Variants in DNER observed in about 807,000 individuals in gnomAD.
DNER encodes the protein delta/notch like EGF repeat containing, also known as delta and Notch-like epidermal growth factor-related receptor.
DNER carries 33 observed loss-of-function variants against 78.2 expected under a neutral mutation model. The observed-to-expected ratio is 0.42, with a 90% confidence interval of 0.32 to 0.56. DNER has a LOEUF of 0.56. DNER is among the 20% of genes least tolerant of loss of function. DNER has a pLI of 0.11. For synonymous variants in DNER, 417 were observed against 384.8 expected (o/e 1.08, Z -0.98); for missense variants, 918 against 975.3 (o/e 0.94, Z 0.78).
At position 229,413,321 on chromosome 2, in the gene DNER, C is replaced by CTTTTTTTTTTTTTTTT. The variant is rs398061160; in HGVS notation, c.1609+4771_1609+4786dup. Among the ~76,000 whole-genome samples, 116 of 67,776 alleles carry CTTTTTTTTTTTTTTTT rather than the reference C, an allele frequency of 1.7e-3. 9 individuals are homozygous for CTTTTTTTTTTTTTTTT. The highest frequency in any genetic ancestry group is 5.4e-3 in the African/African-American group (109 of 20,340). The allele number at this position is 67,776 out of a possible 152,430, so 44.5% of individuals were successfully genotyped here. On this transcript the variant is annotated intron_variant, in intron 9 of 12. Coordinates refer to ENST00000341772, the MANE Select transcript of DNER (RefSeq NM_139072.4). ...TGCTTTTCTTTTTCTTTTTCTTCTT[C>CTTTTTTTTTTTTTTTT]TTTTTTTTTTTTTTTTTTTTTGACG...
At chr2:229,480,291 G>A (rs986584520) in intron 6 of DNER, among the ~76,000 whole-genome samples, 33 of 152,160 alleles carry the variant, frequency 2.2e-4, no homozygotes, top group African/African-American at 7.2e-4. Context: ...CCCCATGAGG[G>A]TATTTTGAAT....
chr2:229,641,867 G>T (rs1290600967), intron 1 of DNER, among the ~76,000 whole-genome samples: 8 of 152,034 alleles, frequency 5.3e-5, no homozygotes, highest in Non-Finnish European at 8.8e-5. Flanking sequence ...AGCTCCCTCT[G>T]GTGGAATACT....
chr2:229,386,056 C>G (rs573623236), intron 11 of DNER, among the ~76,000 whole-genome samples: 166 of 152,270 alleles, frequency 1.1e-3, no homozygotes, highest in African/African-American at 3.9e-3. Context: ...CATCATGTTA[C>G]CTGATTTCAA....
At chr2:229,380,270 G>C (rs1428859239) in intron 11 of DNER, among the ~76,000 whole-genome samples, 1 of 152,178 alleles carries the variant, frequency 6.6e-6, no homozygotes, top group Non-Finnish European at 1.5e-5. Flanking sequence ...AACCACCAGT[G>C]AGGGCCTGGT....
intron 10 of DNER, among the ~76,000 whole-genome samples, chr2:229,403,792 G>C (rs1225984348): frequency 6.6e-6 from 1 of 152,026 alleles, no homozygotes; most frequent in African/African-American, 2.4e-5. Context: ...AGAGGCAAGA[G>C]ATGGAGGAAA....
chr2:229,516,951 C>CAAA (rs199879957), intron 5 of DNER, among the ~76,000 whole-genome samples: 5 of 147,024 alleles, frequency 3.4e-5, no homozygotes, highest in Non-Finnish European at 7.5e-5. Flanking sequence ...ACTAAAAATA[C>CAAA]AAAAAAAAAA....
intron 1 of DNER, among the ~76,000 whole-genome samples, chr2:229,634,331 G>C (rs766922362): frequency 1.3e-5 from 2 of 151,448 alleles, no homozygotes; most frequent in Admixed American, 1.3e-4. Context: ...ATCTCATTCT[G>C]TGAGGAGGAA....
At chr2:229,564,394 C>T (rs1212724439) in intron 4 of DNER, among the ~76,000 whole-genome samples, 1 of 137,054 alleles carries the variant, frequency 7.3e-6, no homozygotes, top group African/African-American at 2.7e-5. Flanking sequence ...CACCCCATCA[C>T]CATCATCATC....
At chr2:229,664,959 A>G (rs915183889) in intron 1 of DNER, among the ~76,000 whole-genome samples, 3 of 152,232 alleles carry the variant, frequency 2.0e-5, no homozygotes, top group Non-Finnish European at 4.4e-5. Context: ...ATTCTTTATC[A>G]TGAGAAGTAG....
At chr2:229,509,667 A>C (rs1238350429) in intron 6 of DNER, among the ~76,000 whole-genome samples, 1 of 152,078 alleles carries the variant, frequency 6.6e-6, no homozygotes, top group East Asian at 1.9e-4. Context: ...TACAAAAATT[A>C]CCCGGGCATG....
chr2:229,566,245 T>C (rs751700556), intron 4 of DNER, among the ~76,000 whole-genome samples: 3 of 152,168 alleles, frequency 2.0e-5, no homozygotes, highest in Non-Finnish European at 4.4e-5. Context: ...GATCTTTCAA[T>C]TGTCTTTGTT....
At chr2:229,444,747 G>A (rs1694305557) in intron 8 of DNER, among the ~76,000 whole-genome samples, 1 of 152,060 alleles carries the variant, frequency 6.6e-6, no homozygotes, top group Admixed American at 6.6e-5. Context: ...AAATTAGCAG[G>A]GTGTGGTGGT....
intron 1 of DNER, among the ~76,000 whole-genome samples, chr2:229,602,789 T>C (rs1000624092): frequency 8.5e-5 from 13 of 152,200 alleles, no homozygotes; most frequent in Admixed American, 5.9e-4. Context: ...AAAGGGGGAA[T>C]ATTCCAGTCA....
intron 4 of DNER, among the ~76,000 whole-genome samples, chr2:229,582,413 A>G (rs1204630770): frequency 6.6e-6 from 1 of 152,126 alleles, no homozygotes; most frequent in African/African-American, 2.4e-5. Flanking sequence ...TCGGGACAGG[A>G]CTGCTGGCTA....
intron 1 of DNER, among the ~76,000 whole-genome samples, chr2:229,608,618 T>C (rs564765706): frequency 2.4e-4 from 37 of 152,314 alleles, no homozygotes; most frequent in African/African-American, 8.2e-4. Context: ...GATCCTGCAG[T>C]GTCATACGTC....
At chr2:229,393,008 C>T (rs1176120753) in intron 10 of DNER, among the ~76,000 whole-genome samples, 5 of 151,556 alleles carry the variant, frequency 3.3e-5, no homozygotes, top group Middle Eastern at 3.4e-3. Flanking sequence ...AGCTAGCAGA[C>T]AAAAAATGTG....
chr2:229,677,436 A>G (rs1184125407), intron 1 of DNER, among the ~76,000 whole-genome samples: 1 of 152,148 alleles, frequency 6.6e-6, no homozygotes, highest in African/African-American at 2.4e-5. Flanking sequence ...TAAGGTTCCA[A>G]ATCCCTGTTT....
intron 1 of DNER, among the ~76,000 whole-genome samples, chr2:229,629,550 A>G (rs888962253): frequency 1.3e-5 from 2 of 152,222 alleles, no homozygotes; most frequent in African/African-American, 4.8e-5. Context: ...AGCCCTTAAA[A>G]GACCCTTGAG....
intron 11 of DNER, among the ~76,000 whole-genome samples, chr2:229,374,637 A>G (rs1692559339): frequency 6.6e-6 from 1 of 152,198 alleles, no homozygotes; most frequent in African/African-American, 2.4e-5. Context: ...CTCTAAGAGG[A>G]AAGCTATGTG....
Sources: gnomAD v4.1 joint callset for allele counts (sites outside exome capture counted in the v4.1 genomes callset) on GRCh38, gnomAD v4.1.1 for gene constraint, MANE v1.5 for transcripts, NCBI Gene and HGNC (gene_info 2026-07-23, HGNC 2026-07-21) for gene names.